KANK4: variants seen among roughly 807,000 people sequenced by gnomAD.
KANK4 encodes the protein KN motif and ankyrin repeat domains 4, also known as KN motif and ankyrin repeat domain-containing protein 4.
A neutral mutation model predicts 80.8 loss-of-function variants in KANK4; 50 were observed. The ratio of observed to expected loss-of-function variants is 0.62; its 90% CI spans 0.49 to 0.78. KANK4 has a LOEUF of 0.78. Ranked by LOEUF, KANK4 falls within the 30% of genes least tolerant of loss-of-function variation. The pLI is 0.00. For missense variants in KANK4, 1,196 were observed against 1,240.1 expected, an observed-to-expected ratio of 0.96 and a Z score of 0.53; for synonymous variants, 465 against 506.9, an observed-to-expected ratio of 0.92 and a Z score of 1.11.
At chr1:62,254,189 T>C (rs61776871) in intron 7 of KANK4, among the ~76,000 whole-genome samples, 11,669 of 152,272 alleles carry the variant, frequency 0.077, 477 homozygotes, top group African/African-American at 0.097. Flanking sequence ...ACAATTTTTA[T>C]ATTAAAACAA....
intron 9 of KANK4, among the ~76,000 whole-genome samples, chr1:62,242,743 A>T (rs1671374344): frequency 6.6e-6 from 1 of 152,202 alleles, no homozygotes; most frequent in Non-Finnish European, 1.5e-5. Context: ...CCAGTTTTCC[A>T]AAGACATTCC....
At chr1:62,313,376 G>A (rs945254229) in intron 1 of KANK4, among the ~76,000 whole-genome samples, 19 of 152,108 alleles carry the variant, frequency 1.2e-4, no homozygotes, top group African/African-American at 4.6e-4. Context: ...TGTTACAAGA[G>A]CCCCAGGTCA....
intron 1 of KANK4, among the ~76,000 whole-genome samples, chr1:62,307,175 A>C (rs1243253424): frequency 3.3e-5 from 5 of 152,062 alleles, no homozygotes; most frequent in African/African-American, 1.2e-4. Context: ...ACTGCTTCTC[A>C]ACCCACAATC....
intron 4 of KANK4, among the ~76,000 whole-genome samples, chr1:62,269,026 G>A (rs1672096032): frequency 6.6e-6 from 1 of 152,206 alleles, no homozygotes; most frequent in African/African-American, 2.4e-5. Flanking sequence ...GGCAAGGCAT[G>A]AACTCCTCCA....
chr1:62,255,496 C>A (rs1415004826), intron 7 of KANK4, among the ~76,000 whole-genome samples: 1 of 151,844 alleles, frequency 6.6e-6, no homozygotes, highest in African/African-American at 2.4e-5. Flanking sequence ...GCAGCCTAAA[C>A]CTCCTGGGTT....
rs1307084455 is a variant in KANK4, at chr1:62,283,231, C to T, written c.-70-1597G>A. On this transcript the variant is annotated intron_variant, in intron 1 of 9. Transcript: ENST00000371153. ...ATCTCCACCATCGCAGCCTCTCCTGCTCCTGCTCCCCTCTCCCTCCCACCC... is the reference window on the plus strand; with the variant it reads ...ATCTCCACCATCGCAGCCTCTCCTGTTCCTGCTCCCCTCTCCCTCCCACCC... 1.5e-4 allele frequency among the ~76,000 whole-genome samples: 23 copies of T among 152,346 alleles called. 1 individual carries two copies. The highest frequency in any genetic ancestry group is 5.5e-4 in the African/African-American group (23 of 41,582).
At chr1:62,294,120 T>G (rs6679889) in intron 1 of KANK4, among the ~76,000 whole-genome samples, 3 of 152,230 alleles carry the variant, frequency 2.0e-5, no homozygotes, top group African/African-American at 7.2e-5. Context: ...TTGATTGTTG[T>G]CCTGAGTATT....
At chr1:62,307,479 C>CA (rs3039730) in intron 1 of KANK4, among the ~76,000 whole-genome samples, 3,060 of 113,166 alleles carry the variant, frequency 0.027, 136 homozygotes, top group African/African-American at 0.078. Context: ...GAGACTCTGC[C>CA]AAAAAAAAAA....
chr1:62,286,209 A>G (rs1672561284), intron 1 of KANK4, among the ~76,000 whole-genome samples: 1 of 152,178 alleles, frequency 6.6e-6, no homozygotes, highest in Non-Finnish European at 1.5e-5. Flanking sequence ...CTTCCCTTGC[A>G]TCCTCCTGCT....
chr1:62,293,221 G>A (rs1362926970), intron 1 of KANK4, among the ~76,000 whole-genome samples: 4 of 151,112 alleles, frequency 2.6e-5, no homozygotes, highest in Non-Finnish European at 4.4e-5. Context: ...CTGAGTAGCT[G>A]GGATTACAGG....
intron 1 of KANK4, among the ~76,000 whole-genome samples, chr1:62,296,235 C>A (rs6704270): frequency 0.057 from 8,671 of 152,296 alleles, 374 homozygotes; most frequent in Middle Eastern, 0.085. Context: ...CTATTTCCAG[C>A]AGAGTGACTG....
chr1:62,261,298 A>G (rs1671880346), intron 7 of KANK4, among the ~76,000 whole-genome samples: 1 of 151,838 alleles, frequency 6.6e-6, no homozygotes, highest in Non-Finnish European at 1.5e-5. Flanking sequence ...AGCTAGGATT[A>G]CAGGCATGCG....
intron 1 of KANK4, among the ~76,000 whole-genome samples, chr1:62,304,962 A>G (rs1222984230): frequency 6.6e-6 from 1 of 152,116 alleles, no homozygotes; most frequent in Non-Finnish European, 1.5e-5. Flanking sequence ...ATGGGAGTAC[A>G]AGTGCTTTGC....
At position 62,274,878 on chromosome 1, in the gene KANK4, G is replaced by C. The variant is rs761523759; in HGVS notation, c.226C>G (p.Pro76Ala). 1.9e-6 allele frequency: 3 copies of C among 1,614,180 alleles called. No homozygotes were observed. The highest frequency in any genetic ancestry group is 2.5e-6 in the Non-Finnish European group (3 of 1,179,996). Residue 76 changes from proline to alanine, a missense_variant, in exon 3 of 10, where the codon CCT becomes GCT. Transcript: ENST00000371153. ...FSTLPRNFSL[P>A]DSGARPPAAP... is the part of the protein sequence containing the mutation. ...GCAGGGGGGCGAGCCCCACTGTCAG[G>C]AAGGCTGAAGTTTCGGGGCAGAGTG...
chr1:62,241,320 G>A (rs181843341), intron 9 of KANK4, among the ~76,000 whole-genome samples: 156 of 152,248 alleles, frequency 1.0e-3, no homozygotes, highest in Admixed American at 3.1e-3. Flanking sequence ...GTGCCAGGGC[G>A]GGGTAGAAGA....
chr1:62,264,020 A>G (rs577302685), intron 6 of KANK4, among the ~76,000 whole-genome samples: 1 of 152,186 alleles, frequency 6.6e-6, no homozygotes, highest in Non-Finnish European at 1.5e-5. Flanking sequence ...TATTTACCTA[A>G]TGGGGAAGAG....
At chr1:62,253,348 G>T in intron 7 of KANK4, 139 bp from the exon 8 acceptor site, 1 of 605,800 alleles carries the variant, frequency 1.7e-6, no homozygotes, top group Non-Finnish European at 2.6e-6. Context: ...TGGAGCCAGT[G>T]GTTTACATTT....
chr1:62,240,853 C>A (rs568206016), intron 9 of KANK4, among the ~76,000 whole-genome samples: 66 of 152,154 alleles, frequency 4.3e-4, no homozygotes, highest in Non-Finnish European at 7.8e-4. Flanking sequence ...TCAGGCACCA[C>A]CGGCCTGACT....
chr1:62,263,062 C>G (rs917847554), intron 7 of KANK4, 30 bp downstream of exon 7: 1 of 1,546,782 alleles, frequency 6.5e-7, no homozygotes, highest in Middle Eastern at 1.9e-4. Flanking sequence ...AAGGAGGGAC[C>G]CAGACTGTAT....
Sources: allele counts gnomAD v4.1 joint callset (sites outside exome capture counted in the v4.1 genomes callset), GRCh38; gene constraint gnomAD v4.1.1; transcripts MANE v1.5; gene names NCBI Gene and HGNC (gene_info 2026-07-23, HGNC 2026-07-21).